The following MSI2 variants were observed in gnomAD, a reference collection of about 807,000 sequenced individuals.
MSI2 encodes the protein musashi RNA binding protein 2.
A neutral mutation model predicts 45.6 loss-of-function variants in MSI2; 17 were observed. That is an observed-to-expected ratio of 0.37 (90% CI 0.26 to 0.56). The LOEUF is 0.56. Ranked by LOEUF, MSI2 falls within the 20% of genes least tolerant of loss-of-function variation. The pLI is 0.77. For synonymous variants in MSI2, 156 were observed against 158.2 expected (o/e 0.99, Z 0.11); for missense variants, 293 against 444.2 (o/e 0.66, Z 3.06).
intron 5 of MSI2, among the ~76,000 whole-genome samples, chr17:57,286,833 G>A (rs970800462): frequency 6.6e-6 from 1 of 152,108 alleles, no homozygotes; most frequent in African/African-American, 2.4e-5. Flanking sequence ...ATTAGGAAAG[G>A]TGTGTTCTTC....
At chr17:57,694,197 G>T in the MSI2 span, among the ~76,000 whole-genome samples, 1 of 152,186 alleles carries the variant, frequency 6.6e-6, no homozygotes, top group Admixed American at 6.5e-5. Flanking sequence ...TGATGTGGGT[G>T]GTTGAGTCAA....
intron 6 of MSI2, among the ~76,000 whole-genome samples, chr17:57,450,820 T>G (rs1416994431): frequency 2.0e-5 from 3 of 152,108 alleles, no homozygotes; most frequent in African/African-American, 7.2e-5. Context: ...TATACACTCT[T>G]CTGTATACTC....
intron 6 of MSI2, among the ~76,000 whole-genome samples, chr17:57,428,351 G>A: frequency 6.6e-6 from 1 of 151,750 alleles, no homozygotes; most frequent in Non-Finnish European, 1.5e-5. Context: ...GCCTCCCTAA[G>A]TGTTGGGATT....
chr17:57,653,815 A>G lies in MSI2; in HGVS notation c.790+1654A>G, dbSNP rs1598495414. 2.0e-5 allele frequency among the ~76,000 whole-genome samples: 3 copies of G among 152,078 alleles called. No homozygotes were observed. The South Asian group carries it at 6.2e-4, about 32-fold the overall frequency. ...GCATGGGGTTCTTTATGAGTCTGAG[A>G]GCCGTCTCCCACGGTCTGTGCCCCC... On this transcript the variant is annotated intron_variant, in intron 11 of 13. Transcript: ENST00000284073.
At chr17:57,298,444 ACCT>A (rs1409189489) in intron 5 of MSI2, among the ~76,000 whole-genome samples, 1 of 152,116 alleles carries the variant, frequency 6.6e-6, no homozygotes, top group African/African-American at 2.4e-5. Flanking sequence ...GGTGGCTTGC[ACCT>A]GTAATCCCAG....
chr17:57,417,811 T>C (rs1463752942), intron 6 of MSI2, among the ~76,000 whole-genome samples: 2 of 152,236 alleles, frequency 1.3e-5, no homozygotes, highest in Non-Finnish European at 2.9e-5. Flanking sequence ...GGTTTTCTGC[T>C]AAACCCATAA....
intron 5 of MSI2, among the ~76,000 whole-genome samples, chr17:57,318,373 T>C (rs998070469): frequency 2.6e-5 from 4 of 152,284 alleles, no homozygotes; most frequent in African/African-American, 9.6e-5. Flanking sequence ...TCTGTGTCTC[T>C]CTCATGGGAC....
intron 6 of MSI2, among the ~76,000 whole-genome samples, chr17:57,515,245 C>T (rs1464168324): frequency 6.6e-6 from 1 of 152,136 alleles, no homozygotes; most frequent in Non-Finnish European, 1.5e-5. Flanking sequence ...GCTCTGTTGC[C>T]CAGACTGGAG....
At chr17:57,377,123 TG>T (rs2083513066) in intron 5 of MSI2, among the ~76,000 whole-genome samples, 1 of 152,152 alleles carries the variant, frequency 6.6e-6, no homozygotes. Flanking sequence ...GGTTTCACTG[TG>T]TTTACCAGGA....
At chr17:57,493,919 A>G (rs2085925178) in intron 6 of MSI2, among the ~76,000 whole-genome samples, 1 of 152,060 alleles carries the variant, frequency 6.6e-6, no homozygotes, top group African/African-American at 2.4e-5. Flanking sequence ...AGATGAAAAA[A>G]CTGGCCCTCT....
chr17:57,275,387 G>A (rs1365518957), intron 5 of MSI2, among the ~76,000 whole-genome samples: 1 of 152,166 alleles, frequency 6.6e-6, no homozygotes, highest in Admixed American at 6.5e-5. Context: ...TGGGATTGAG[G>A]GCAAGGGTTA....
At chr17:57,404,384 C>T (rs577606400) in intron 6 of MSI2, among the ~76,000 whole-genome samples, 1 of 152,254 alleles carries the variant, frequency 6.6e-6, no homozygotes, top group Non-Finnish European at 1.5e-5. Context: ...TTCAGTGTGC[C>T]CCGGAGTGCT....
At chr17:57,548,693 G>T (rs559108662) in intron 7 of MSI2, among the ~76,000 whole-genome samples, 89 of 152,142 alleles carry the variant, frequency 5.8e-4, no homozygotes, top group African/African-American at 2.1e-3. Flanking sequence ...GGGAGCGGGT[G>T]GGGGTGGTGC....
At chr17:57,629,060 C>G (rs1329278678) in intron 10 of MSI2, 3 of 152,330 alleles carry the variant, frequency 2.0e-5, no homozygotes, top group African/African-American at 7.2e-5. Flanking sequence ...TTAACTGCCA[C>G]CCTCCACCAT....
chr17:57,587,178 G>A (rs2041852), intron 7 of MSI2, among the ~76,000 whole-genome samples: 33,972 of 152,108 alleles, frequency 0.22, 3,928 homozygotes, highest in Middle Eastern at 0.29. Context: ...TTGGCCCTCA[G>A]CCCCACCTTG....
intron 5 of MSI2, among the ~76,000 whole-genome samples, chr17:57,308,196 C>T (rs1345740140): frequency 3.9e-5 from 6 of 152,246 alleles, no homozygotes; most frequent in South Asian, 2.1e-4. Context: ...AATGAGACGA[C>T]GTGCCTGGCA....
At chr17:57,562,602 G>A (rs945496702) in intron 7 of MSI2, among the ~76,000 whole-genome samples, 1 of 152,198 alleles carries the variant, frequency 6.6e-6, no homozygotes, top group Non-Finnish European at 1.5e-5. Flanking sequence ...TCTGGAGGGT[G>A]GAGGAGAGCC....
At chr17:57,423,112 GA>G (rs879420127) in intron 6 of MSI2, among the ~76,000 whole-genome samples, 23 of 152,236 alleles carry the variant, frequency 1.5e-4, no homozygotes, top group African/African-American at 4.3e-4. Context: ...CATAGGGAGA[GA>G]AAAAACTTTT....
rs1015216548 is a variant in MSI2 at position 57,534,249 on chromosome 17, C to G, written c.454+4525C>G. 1.2e-4 allele frequency among the ~76,000 whole-genome samples: 18 copies of G among 152,350 alleles called. No individual in the cohort carries two copies. The East Asian group carries it at 3.1e-3, about 26-fold the overall frequency. ...AAGGTAACTGGTTAAAGCGGAGGAG[C>G]TGGTCATTTTAAGGGTTTGGTATTT... is the stretch of plus-strand genomic sequence containing the variant. On this transcript the variant is annotated intron_variant, in intron 7 of 13. Transcript: ENST00000284073.
Sources: gnomAD v4.1 joint callset for allele counts (sites outside exome capture counted in the v4.1 genomes callset) on GRCh38, gnomAD v4.1.1 for gene constraint, MANE v1.5 for transcripts, NCBI Gene and HGNC (gene_info 2026-07-23, HGNC 2026-07-21) for gene names.